The following PRKD3 variants were observed in gnomAD, a reference collection of about 807,000 sequenced individuals.
The protein encoded by PRKD3 is serine/threonine-protein kinase D3.
In PRKD3, 47 loss-of-function variants were observed where a neutral mutation model predicts 99.2. That is an observed-to-expected ratio of 0.47 (90% CI 0.38 to 0.60). The LOEUF (loss-of-function observed/expected upper bound fraction) is 0.60. Ranked by LOEUF, PRKD3 falls within the 20% of genes least tolerant of loss-of-function variation. The pLI, the probability that PRKD3 is intolerant of heterozygous loss-of-function variation, is 0.00. For missense variants in PRKD3, 1,019 were observed against 1,088.4 expected (o/e 0.94, Z 0.90); for synonymous variants, 392 against 355.4 (o/e 1.10, Z -1.16).
chr2:37,311,098 T>C (rs1671405414), intron 2 of PRKD3, among the ~76,000 whole-genome samples: 1 of 152,192 alleles, frequency 6.6e-6, no homozygotes, highest in Non-Finnish European at 1.5e-5. Flanking sequence ...CAGTATCTGC[T>C]GTCTCACAGA....
chr2:37,280,423 A>T (rs1434803356), intron 7 of PRKD3, among the ~76,000 whole-genome samples: 1 of 152,214 alleles, frequency 6.6e-6, no homozygotes, highest in Non-Finnish European at 1.5e-5. Context: ...ATTACATCAG[A>T]ATTTTAAATT....
At chr2:37,309,252 T>C (rs1279146849) in intron 2 of PRKD3, among the ~76,000 whole-genome samples, 1 of 152,234 alleles carries the variant, frequency 6.6e-6, no homozygotes, top group Non-Finnish European at 1.5e-5. Flanking sequence ...CTAATGGAGA[T>C]ATTTATGCAC....
At chr2:37,290,502 A>G (rs1572673078) in intron 4 of PRKD3, among the ~76,000 whole-genome samples, 1 of 152,160 alleles carries the variant, frequency 6.6e-6, no homozygotes, top group South Asian at 2.1e-4. Flanking sequence ...CCAAAGTGCT[A>G]GGATTACAGG....
intron 13 of PRKD3, chr2:37,268,382 C>G (rs1336045875): frequency 2.1e-6 from 1 of 470,208 alleles, no homozygotes; most frequent in Non-Finnish European, 4.4e-6. Context: ...TCTGAAGTTG[C>G]AAACCATAGA....
At chr2:37,308,211 T>C (rs1375822952) in intron 2 of PRKD3, among the ~76,000 whole-genome samples, 2 of 152,212 alleles carry the variant, frequency 1.3e-5, no homozygotes, top group African/African-American at 4.8e-5. Context: ...TATATAATAC[T>C]TGCCGTAACA....
rs764485605 is a variant in PRKD3, at chr2:37,278,036, T to G, written c.1173-47A>C. ...TAAGTTTGTGTAGATTTTTAAAAAA[T>G]CATATAAATACTGTAGGAACATGAA... is the stretch of plus-strand genomic sequence containing the variant. On this transcript the variant is annotated intron_variant, in intron 8 of 18. Transcript: ENST00000234179. 17 of 1,522,402 alleles carry G rather than the reference T, an allele frequency of 1.1e-5. No individual in the cohort carries two copies. In the South Asian group the frequency reaches 1.8e-4, roughly 16 times the overall value. 94.3% of individuals were successfully genotyped at this position (1,522,402 alleles called of 1,614,324 possible).
chr2:37,313,027 G>A (rs1020689210), intron 2 of PRKD3, among the ~76,000 whole-genome samples: 6 of 152,112 alleles, frequency 3.9e-5, no homozygotes, highest in Admixed American at 1.3e-4. Flanking sequence ...ACTGTTCTAA[G>A]GTATATATTA....
Position 37,316,467 on chromosome 2 carries a change from G to A in PRKD3, c.58C>T (p.Pro20Ser). 6.2e-7 allele frequency: 1 copy of A among 1,613,966 alleles called. No individual in the cohort carries two copies. Among genetic ancestry groups the A allele is most frequent in the Non-Finnish European group, 8.5e-7 (1 of 1,179,772 alleles). Residue 20 changes from proline to serine, a missense_variant, in exon 2 of 19, where the codon CCT becomes TCT. This residue lies in a region of PRKD3 where 710 missense variants were observed against 692.7 expected (regional missense o/e 1.02). Transcript: ENST00000234179. ...AQKSVLPTAIPAVLPAASPCS... is the reference protein window; with the variant it reads ...AQKSVLPTAISAVLPAASPCS... ...GGAGAAGCAGCTGGAAGCACAGCAG[G>A]AATAGCTGTGGGTAATACAGACTTC...
chr2:37,280,066 T>C lies in PRKD3; in HGVS notation c.989-137A>G, dbSNP rs919211518. ...GTAAAGTATTTCTCTTTTTTTTTTT[T>C]TTTGAGATAGAGTTTCACTCTTGTC... is the stretch of plus-strand genomic sequence containing the variant. On this transcript the variant is annotated intron_variant, in intron 7 of 18. Coordinates refer to ENST00000234179, the MANE Select transcript of PRKD3 (RefSeq NM_005813.6). 3 of 614,644 alleles carry C rather than the reference T, an allele frequency of 4.9e-6. No individual in the cohort carries two copies. The African/African-American group carries it at 5.8e-5, about 12-fold the overall frequency. The allele number at this position is 614,644 out of a possible 1,614,324, so 38.1% of individuals were successfully genotyped here. A position where few individuals can be genotyped will look rare whatever the true frequency, so the allele number is the denominator to read the frequency against.
chr2:37,262,212 C>T (rs1668517141), intron 14 of PRKD3, among the ~76,000 whole-genome samples: 1 of 152,080 alleles, frequency 6.6e-6, no homozygotes, highest in South Asian at 2.1e-4. Flanking sequence ...ATGTTTTTGG[C>T]CTATGTGAGG....
At chr2:37,263,528 CTTGTT>C (rs1362647814) in intron 14 of PRKD3, among the ~76,000 whole-genome samples, 3 of 150,612 alleles carry the variant, frequency 2.0e-5, no homozygotes, top group African/African-American at 7.5e-5. Context: ...TCTGTTTCTC[CTTGTT>C]TTTAGTTTTT....
intron 13 of PRKD3, chr2:37,269,387 AAC>A (rs1669067250): frequency 1.9e-6 from 1 of 532,212 alleles, no homozygotes; most frequent in African/African-American, 1.9e-5. Context: ...GAAGAGATAA[AAC>A]ACACTGTAAA....
At chr2:37,282,702 C>T in intron 6 of PRKD3, 83 bp from the exon 7 acceptor site, 1 of 940,470 alleles carries the variant, frequency 1.1e-6, no homozygotes, top group East Asian at 2.5e-5. Context: ...AAATCACTCA[C>T]AAACAGAATA....
chr2:37,320,336 G>T (rs1301072438), intron 1 of PRKD3, among the ~76,000 whole-genome samples: 5 of 150,348 alleles, frequency 3.3e-5, no homozygotes, highest in African/African-American at 9.8e-5. Flanking sequence ...GCTCCACAAC[G>T]TATCTGACTT....
At chr2:37,287,912 T>G (rs1466585474) in intron 5 of PRKD3, among the ~76,000 whole-genome samples, 3 of 152,310 alleles carry the variant, frequency 2.0e-5, no homozygotes, top group African/African-American at 7.2e-5. Context: ...AAGTTCTTCT[T>G]TTTGAGACTA....
chr2:37,302,043 TAA>T (rs1205352927), intron 2 of PRKD3, among the ~76,000 whole-genome samples: 2 of 152,068 alleles, frequency 1.3e-5, no homozygotes, highest in Non-Finnish European at 2.9e-5. Context: ...CTTTAGGGAA[TAA>T]AAGAGTCAAG....
chr2:37,266,550 A>G (rs1252100537), intron 14 of PRKD3, among the ~76,000 whole-genome samples: 2 of 151,134 alleles, frequency 1.3e-5, no homozygotes, highest in East Asian at 2.0e-4. Context: ...GCAATGGCAC[A>G]ATCTTGGCTA....
intron 2 of PRKD3, among the ~76,000 whole-genome samples, chr2:37,312,762 A>G (rs1473514440): frequency 6.6e-6 from 1 of 152,174 alleles, no homozygotes; most frequent in African/African-American, 2.4e-5. Context: ...ATATTAAATA[A>G]AGTGTCTTCA....
intron 2 of PRKD3, among the ~76,000 whole-genome samples, chr2:37,304,912 A>G (rs1671090907): frequency 6.6e-6 from 1 of 152,122 alleles, no homozygotes; most frequent in African/African-American, 2.4e-5. Context: ...TTAAAGATCT[A>G]GGATCTTCTA....
Sources: allele counts gnomAD v4.1 joint callset (sites outside exome capture counted in the v4.1 genomes callset), GRCh38; gene constraint gnomAD v4.1.1; regional missense constraint gnomAD v4.1.1; transcripts MANE v1.5; gene names NCBI Gene and HGNC (gene_info 2026-07-23, HGNC 2026-07-21).